Variants in PTCH1 observed in about 807,000 individuals in gnomAD.
The protein encoded by PTCH1 is patched 1.
In PTCH1, 14 loss-of-function variants were observed where a neutral mutation model predicts 144.6. The observed-to-expected ratio is 0.10, with a 90% CI of 0.06 to 0.15. PTCH1 has a LOEUF of 0.15. Ranked by LOEUF, PTCH1 falls within the 10% of genes least tolerant of loss-of-function variation. The probability of loss-of-function intolerance (pLI) is 1.00; values close to 1 mark genes in which losing one functional copy is unlikely to be tolerated. For synonymous variants in PTCH1, 833 were observed against 793.6 expected (o/e 1.05, Z -0.83); for missense variants, 1,623 against 1,948.3 (o/e 0.83, Z 3.14).
chr9:95,506,768 T>TGG, intron 1 of PTCH1, 169 bp from the exon 2 acceptor site: 1 of 1,054,732 alleles, frequency 9.5e-7, no homozygotes, highest in Non-Finnish European at 1.2e-6. Context: ...CTGAGCGTCA[T>TGG]GGGGGGCTCG....
chr9:95,516,503 G>C, exon 1 of PTCH1: 1 of 1,536,750 alleles, frequency 6.5e-7, no homozygotes, highest in South Asian at 1.2e-5. Flanking sequence ...CGGAGCGCGG[G>C]TGCCGATGGC....
chr9:95,479,792 C>G (rs1194122468), intron 7 of PTCH1, 177 bp downstream of exon 7: 6 of 996,754 alleles, frequency 6.0e-6, no homozygotes, highest in Non-Finnish European at 3.0e-6. Flanking sequence ...CCACAAGGTG[C>G]TTTTTCAAGC....
rs775529475 is a variant in PTCH1 at position 95,478,228 on chromosome 9, C to T, written c.1216-42G>A. The T allele has an allele frequency of 3.1e-6, 5 of 1,613,846 alleles. No homozygotes were observed. In the South Asian group the frequency reaches 4.4e-5, roughly 14 times the overall value. ...ATGCGAAATGCCCAAATGCAATGAA[C>T]ACTTCCACAAGCCTCGACAGCACAG... On this transcript the variant is annotated intron_variant, in intron 8 of 23. Coordinates refer to ENST00000331920, the MANE Select transcript of PTCH1 (RefSeq NM_000264.5).
chr9:95,478,058 G>A lies in PTCH1; in HGVS notation c.1344C>T (p.Leu448=), dbSNP rs1276244503. Residue 448 remains leucine, a synonymous_variant, in exon 9 of 24, where the codon CTC becomes CTT. Coordinates refer to ENST00000331920, the MANE Select transcript of PTCH1 (RefSeq NM_000264.5). ...GGAGCATGGCATCGAGCGTTACCAT[G>A]AGTAAGTAGCCGCTGGCCACGCGGA... ...SVIRVASGYL[L]MLAYACLTML... is the part of the protein sequence containing the mutation. The A allele has an allele frequency of 2.5e-6, 4 of 1,614,224 alleles. No homozygotes were observed. The highest frequency in any genetic ancestry group is 3.4e-6 in the Non-Finnish European group (4 of 1,180,036).
intron 1 of PTCH1, chr9:95,506,849 C>T (rs975931398): frequency 5.1e-6 from 6 of 1,186,074 alleles, no homozygotes; most frequent in Middle Eastern, 6.6e-4. Context: ...CGCGGGATCC[C>T]TGAGCGACTT....
chr9:95,463,881 C>A (rs1839766258), intron 15 of PTCH1, among the ~76,000 whole-genome samples: 1 of 152,192 alleles, frequency 6.6e-6, no homozygotes, highest in Non-Finnish European at 1.5e-5. Context: ...TGCGGGGACA[C>A]ACCGTGGTAC....
intron 23 of PTCH1, 139 bp downstream of exon 23, chr9:95,446,772 G>T: frequency 2.7e-6 from 3 of 1,127,166 alleles, no homozygotes; most frequent in Non-Finnish European, 3.9e-6. Flanking sequence ...TTGCTCTGGG[G>T]ATAAAAGGTC....
chr9:95,482,523 A>G, intron 3 of PTCH1: 1 of 392,724 alleles, frequency 2.5e-6, no homozygotes, highest in Non-Finnish European at 4.7e-6. Flanking sequence ...AAACAACTTC[A>G]GGGCAGCCCA....
intron 12 of PTCH1, among the ~76,000 whole-genome samples, chr9:95,474,547 T>C (rs897503396): frequency 2.6e-5 from 4 of 152,210 alleles, no homozygotes; most frequent in Non-Finnish European, 4.4e-5. Flanking sequence ...AAATAAACCC[T>C]GTTTTCTTTT....
intron 12 of PTCH1, among the ~76,000 whole-genome samples, chr9:95,475,490 C>T (rs536745038): frequency 3.9e-5 from 6 of 152,304 alleles, no homozygotes; most frequent in African/African-American, 9.6e-5. Context: ...CCCACCGAGG[C>T]GGACCCTGCA....
chr9:95,478,459 CA>C (rs56412302), intron 8 of PTCH1, among the ~76,000 whole-genome samples: 55 of 152,254 alleles, frequency 3.6e-4, no homozygotes, highest in African/African-American at 1.3e-3. Context: ...GTATTTACTC[CA>C]GGGCTGAGAC....
Position 95,479,132 on chromosome 9 carries a change from C to T in PTCH1, c.1083G>A (p.Gln361=), listed in dbSNP as rs1554699269. ...TGKLVSAHAL[Q]TMFQLMTPKQ... ...TGGGAGTCATTAACTGGAACATGGT[C>T]TGCAGGGCATGGGCGCTGCAGCACA... Residue 361 remains glutamine (Q), a synonymous_variant, in exon 8 of 24, where the codon CAG becomes CAA. Coordinates refer to ENST00000331920, the MANE Select transcript of PTCH1 (RefSeq NM_000264.5). 27 of 1,613,962 alleles carry T rather than the reference C, an allele frequency of 1.7e-5. No homozygotes were observed. Among genetic ancestry groups the T allele is most frequent in the Non-Finnish European group, 1.8e-5 (21 of 1,180,024 alleles).
At chr9:95,516,560 G>GC (rs989748977) in exon 1 of PTCH1, 106 of 1,548,710 alleles carry the variant, frequency 6.8e-5, no homozygotes, top group East Asian at 5.7e-4. Flanking sequence ...TTTTTCCCTG[G>GC]CCCCCCTTTC....
chr9:95,507,336 C>G, intron 1 of PTCH1: 2 of 985,562 alleles, frequency 2.0e-6, no homozygotes, highest in Non-Finnish European at 2.4e-6. Flanking sequence ...AGGGCTCAGG[C>G]CGGCGCAGGC....
rs1270122467 is a variant in PTCH1 at position 95,469,881 on chromosome 9, A to G, written c.1779T>C (p.Pro593=). 6.2e-7 allele frequency: 1 copy of G among 1,614,212 alleles called. No homozygotes were observed. Among genetic ancestry groups the G allele is most frequent in the South Asian group, 1.1e-5 (1 of 91,082 alleles). ...GATATAAATCCATGCTGAGAATTGC[A>G]GGAAAAATGAGCAGAACCATGGCAA... is the stretch of plus-strand genomic sequence containing the variant. ...FNFAMVLLIF[P]AILSMDLYRR... is the part of the protein sequence containing the mutation. The change falls in exon 13 of 24, where the codon CCT becomes CCC. Residue 593 remains proline, a synonymous_variant. Transcript: ENST00000331920.
chr9:95,509,483 TGA>T (rs1161793351), upstream of PTCH1, among the ~76,000 whole-genome samples: 8 of 152,368 alleles, frequency 5.3e-5, no homozygotes, highest in Non-Finnish European at 1.2e-4. Flanking sequence ...GGGCAGCCTC[TGA>T]GAGCGCCAAC....
chr9:95,496,090 G>A (rs2118732948), intron 2 of PTCH1, among the ~76,000 whole-genome samples: 1 of 152,326 alleles, frequency 6.6e-6, no homozygotes, highest in Non-Finnish European at 1.5e-5. Context: ...GCCCTGACCT[G>A]CAGCTGGAAC....
rs1837930788 is a variant in PTCH1, at chr9:95,446,739, G to A, written c.*1+172C>T. The A allele has an allele frequency of 1.6e-5, 13 of 819,904 alleles. No homozygotes were observed. In the South Asian group the frequency reaches 2.1e-4, roughly 13 times the overall value. 50.8% of individuals were successfully genotyped at this position (819,904 alleles called of 1,614,324 possible). On this transcript the variant is annotated intron_variant, in intron 23 of 23. Coordinates refer to ENST00000331920, the MANE Select transcript of PTCH1 (RefSeq NM_000264.5). ...GGAGCTGGACTGGTTCCCCAAGGAT[G>A]ACAAAGCTTGGACACATCAGCCTTG...
chr9:95,516,456 T>C (rs2118956161), intron 1 of PTCH1: 2 of 1,434,526 alleles, frequency 1.4e-6, no homozygotes, highest in Non-Finnish European at 1.8e-6. Flanking sequence ...GCCGCCGCGC[T>C]GGCTGCACTC....
Sources: allele counts gnomAD v4.1 joint callset (sites outside exome capture counted in the v4.1 genomes callset), GRCh38; gene constraint gnomAD v4.1.1; transcripts MANE v1.5; gene names NCBI Gene and HGNC (gene_info 2026-07-23, HGNC 2026-07-21).